FSBP: variants seen among roughly 807,000 people sequenced by gnomAD.
FSBP encodes the protein fibrinogen silencer binding protein.
A neutral mutation model predicts 24.6 loss-of-function variants in FSBP; 18 were observed. The ratio of observed to expected loss-of-function variants is 0.73; its 90% CI spans 0.51 to 1.08. FSBP has a LOEUF of 1.08. FSBP is among the 50% of genes least tolerant of loss of function. FSBP has a pLI of 0.00. For missense variants in FSBP, 305 were observed against 347.6 expected, an observed-to-expected ratio of 0.88 and a Z score of 0.98; for synonymous variants, 110 against 125.8, an observed-to-expected ratio of 0.87 and a Z score of 0.84.
chr8:94,430,809 G>C lies in FSBP; in HGVS notation c.*1322C>G, dbSNP rs1258085451. The C allele has an allele frequency of 1.0e-6, 1 of 985,260 alleles. No individual in the cohort carries two copies. The highest frequency in any genetic ancestry group is 1.2e-6 in the Non-Finnish European group (1 of 829,922). 61.0% of individuals were successfully genotyped at this position (985,260 alleles called of 1,614,324 possible). A position where few individuals can be genotyped will look rare whatever the true frequency, so the allele number is the denominator to read the frequency against. On this transcript the variant is annotated 3_prime_UTR_variant, in exon 2 of 2. Transcript: ENST00000481490. The stretch of plus-strand genomic sequence containing the variant: ...ATCCCCGCATGTGAAAATTCTGCTG[G>C]AGCTAAACAGCAGCTACCCTACCTA...
In FSBP at chr8:94,436,602, G is replaced by A; in HGVS notation, c.267C>T (p.Thr89=). The A allele has an allele frequency of 6.5e-7, 1 of 1,550,338 alleles. No homozygotes were observed. The change falls in exon 1 of 2, where the codon ACC becomes ACT. Residue 89 remains threonine, a synonymous_variant. Transcript: ENST00000481490. The stretch of plus-strand genomic sequence containing the variant: ...AAATATTGCTTTTAAAATCTGATTG[G>A]GTCTCTTTTTGCTGCAATAGCTCCT... The part of the protein sequence containing the change: ...AKQELLQQKE[T]QSDFKSNISE...
intron 1 of FSBP, 79 bp downstream of exon 1, chr8:94,436,416 T>C (rs910979958): frequency 2.1e-6 from 3 of 1,433,232 alleles, no homozygotes; most frequent in African/African-American, 1.4e-5. Context: ...TTACTATGCA[T>C]ATCTCTATCA....
At position 94,431,262 on chromosome 8, in the gene FSBP, G is replaced by C. The variant is rs2450248; in HGVS notation, c.*869C>G. The C allele has an allele frequency of 0.054, 51,983 of 966,368 alleles. 2,516 individuals carry two copies. Among genetic ancestry groups the C allele is most frequent in the East Asian group, 0.32 (2,760 of 8,668 alleles). The allele number at this position is 966,368 out of a possible 1,614,324, so 59.9% of individuals were successfully genotyped here. On this transcript the variant is annotated 3_prime_UTR_variant, in exon 2 of 2. Coordinates refer to ENST00000481490, the MANE Select transcript of FSBP (RefSeq NM_001256141.2). ...GTGAAAGAAATTTTTTCCAGAACAG[G>C]ACATTCAAAATGAATTAAGACATGT...
chr8:94,433,101 G>T (rs3136421), intron 1 of FSBP, among the ~76,000 whole-genome samples: 5,037 of 152,108 alleles, frequency 0.033, 105 homozygotes, highest in Non-Finnish European at 0.049. Context: ...TTAAAACCAT[G>T]AAGGCCCATA....
Position 94,429,535 on chromosome 8 carries a change from C to G in FSBP, c.*2596G>C, listed in dbSNP as rs1812032935. The G allele has an allele frequency of 4.1e-6, 4 of 984,368 alleles. No homozygotes were observed. The highest frequency in any genetic ancestry group is 6.2e-5 in the Admixed American group (1 of 16,256). 61.0% of individuals were successfully genotyped at this position (984,368 alleles called of 1,614,324 possible). A position where few individuals can be genotyped will look rare whatever the true frequency, so the allele number is the denominator to read the frequency against. On this transcript the variant is annotated 3_prime_UTR_variant, in exon 2 of 2. Transcript: ENST00000481490. ...ATCAATTCTTAGTAGCATGCTGAAA[C>G]TGTAAAGTGAATTACATCTCATATA...
intron 1 of FSBP, among the ~76,000 whole-genome samples, chr8:94,434,730 G>C (rs894132016): frequency 6.6e-6 from 1 of 151,320 alleles, no homozygotes; most frequent in Non-Finnish European, 1.5e-5. Context: ...CTAATACAGA[G>C]AAAATGTCAA....
chr8:94,431,499 G>A lies in FSBP; in HGVS notation c.*632C>T, dbSNP rs769760444. ...TGGATATTTACTTCTATCGAATAGC[G>A]GGATGGAAATTACACAAAGAAAAAC... On this transcript the variant is annotated 3_prime_UTR_variant, in exon 2 of 2. Coordinates refer to ENST00000481490, the MANE Select transcript of FSBP (RefSeq NM_001256141.2). 18 of 981,202 alleles carry A rather than the reference G, an allele frequency of 1.8e-5. No homozygotes were observed. Among genetic ancestry groups the A allele is most frequent in the Non-Finnish European group, 1.9e-5 (16 of 826,362 alleles). 60.8% of individuals were successfully genotyped at this position (981,202 alleles called of 1,614,324 possible).
chr8:94,429,153 A>G lies in FSBP; in HGVS notation c.*2978T>C. 1 of 970,130 alleles carries G rather than the reference A, an allele frequency of 1.0e-6. No individual in the cohort carries two copies. The highest frequency in any genetic ancestry group is 1.2e-6 in the Non-Finnish European group (1 of 816,098). 60.1% of individuals were successfully genotyped at this position (970,130 alleles called of 1,614,324 possible). ...GTGATTCTGGTGTTTAAAAATATGT[A>G]AAAATAGGTTTCTTATTGTATACAG... On this transcript the variant is annotated 3_prime_UTR_variant, in exon 2 of 2. Transcript: ENST00000481490.
At chr8:94,435,612 G>T (rs972595797) in intron 1 of FSBP, among the ~76,000 whole-genome samples, 1 of 151,986 alleles carries the variant, frequency 6.6e-6, no homozygotes. Context: ...TTTGCCAGAG[G>T]TTACAATCTG....
rs895345961 is a variant in FSBP, at chr8:94,436,829, C to T, written c.40G>A (p.Glu14Lys). Residue 14 changes from glutamate (E) to lysine (K), a missense_variant, in exon 1 of 2, where the codon GAA becomes AAA. Transcript: ENST00000481490. ...ACAAGCTTTAGCAAATCAAGCTTTT[C>T]GGATAAGGTAAAATTGGAAGATCTA... The part of the protein sequence containing the change: ...KARSSNFTLS[E>K]KLDLLKLVKP... The T allele has an allele frequency of 1.3e-6, 2 of 1,544,462 alleles. No homozygotes were observed. The highest frequency in any genetic ancestry group is 2.4e-5 in the East Asian group (1 of 40,902).
rs1219069271 is a variant in FSBP at position 94,429,868 on chromosome 8, T to A, written c.*2263A>T. ...CCTTGAGTTCATTTTTTTCTATTTC[T>A]ATAGCCATAACTTAAATTTCTGATT... On this transcript the variant is annotated 3_prime_UTR_variant, in exon 2 of 2. Transcript: ENST00000481490. The A allele has an allele frequency of 3.0e-6, 3 of 985,308 alleles. No individual in the cohort carries two copies. Among genetic ancestry groups the A allele is most frequent in the Non-Finnish European group, 3.6e-6 (3 of 829,924 alleles). 61.0% of individuals were successfully genotyped at this position (985,308 alleles called of 1,614,324 possible). A position where few individuals can be genotyped will look rare whatever the true frequency, so the allele number is the denominator to read the frequency against.
At position 94,431,600 on chromosome 8, in the gene FSBP, T is replaced by C. The variant is rs1442142122; in HGVS notation, c.*531A>G. 1.4e-5 allele frequency: 13 copies of C among 920,194 alleles called. No homozygotes were observed. The highest frequency in any genetic ancestry group is 1.7e-5 in the Non-Finnish European group (13 of 770,834). The allele number at this position is 920,194 out of a possible 1,614,324, so 57.0% of individuals were successfully genotyped here. A position where few individuals can be genotyped will look rare whatever the true frequency, so the allele number is the denominator to read the frequency against. ...TCATTGAGTTCTCCCTGGACCTGTT[T>C]CATTACCCCTAAACTGCAGAGATGG... is the stretch of plus-strand genomic sequence containing the variant. On this transcript the variant is annotated 3_prime_UTR_variant, in exon 2 of 2. Transcript: ENST00000481490.
At position 94,432,500 on chromosome 8, in the gene FSBP, C is replaced by T; in HGVS notation, c.531G>A (p.Glu177=). 2 of 1,550,604 alleles carry T rather than the reference C, an allele frequency of 1.3e-6. No homozygotes were observed. The highest frequency in any genetic ancestry group is 1.2e-5 in the South Asian group (1 of 84,042). Residue 177 remains glutamate, a synonymous_variant, in exon 2 of 2, where the codon GAG becomes GAA. Transcript: ENST00000481490. ...GTACTAATTCATGTTCTTCTCTTTG[C>T]TCTAAAGTATCACTCTGTTGAGAAT... ...VLNSQQSDTL[E]QREEHELVHV...
chr8:94,435,277 TC>T (rs1812224715), intron 1 of FSBP, among the ~76,000 whole-genome samples: 1 of 152,062 alleles, frequency 6.6e-6, no homozygotes, highest in Admixed American at 6.6e-5. Flanking sequence ...TGTCCTGGAT[TC>T]CCACTGGTGA....
In FSBP at chr8:94,429,565, C is replaced by T. The variant is rs770513958; in HGVS notation, c.*2566G>A. On this transcript the variant is annotated 3_prime_UTR_variant, in exon 2 of 2. Transcript: ENST00000481490. ...AAGTGAATTACATCTCATATATGTG[C>T]TTTCAATAATTTCAAAAAATAAAGC... is the stretch of plus-strand genomic sequence containing the variant. The T allele has an allele frequency of 2.1e-5, 21 of 982,672 alleles. No homozygotes were observed. The highest frequency in any genetic ancestry group is 6.1e-5 in the Admixed American group (1 of 16,262). The allele number at this position is 982,672 out of a possible 1,614,324, so 60.9% of individuals were successfully genotyped here.
Position 94,430,501 on chromosome 8 carries a change from C to T in FSBP, c.*1630G>A. 1 of 937,412 alleles carries T rather than the reference C, an allele frequency of 1.1e-6. No homozygotes were observed. The highest frequency in any genetic ancestry group is 1.8e-5 in the African/African-American group (1 of 56,142). The allele number at this position is 937,412 out of a possible 1,614,324, so 58.1% of individuals were successfully genotyped here. A position where few individuals can be genotyped will look rare whatever the true frequency, so the allele number is the denominator to read the frequency against. On this transcript the variant is annotated 3_prime_UTR_variant, in exon 2 of 2. Transcript: ENST00000481490. Reference sequence around the variant, plus strand: ...CAAACTTTAGCATGCATCAGAATCGCTAAAGGGTTTATTAAAAGAGATTGC... The same window carrying T: ...CAAACTTTAGCATGCATCAGAATCGTTAAAGGGTTTATTAAAAGAGATTGC...
chr8:94,436,377 A>T (rs1812260851), intron 1 of FSBP, 118 bp downstream of exon 1: 1 of 1,275,718 alleles, frequency 7.8e-7, no homozygotes, highest in East Asian at 2.6e-5. Flanking sequence ...AAACAAAGAC[A>T]CTATTCATTG....
chr8:94,428,163 A>C lies in FSBP; in HGVS notation c.*3968T>G. ...GTGGCTATCCACTATCTAAATTACTAATATATTGGATGAAATAATCTATAT... is the reference window on the plus strand; with the variant it reads ...GTGGCTATCCACTATCTAAATTACTCATATATTGGATGAAATAATCTATAT... On this transcript the variant is annotated 3_prime_UTR_variant, in exon 2 of 2. Coordinates refer to ENST00000481490, the MANE Select transcript of FSBP (RefSeq NM_001256141.2). The C allele has an allele frequency of 7.2e-6, 6 of 828,614 alleles. No homozygotes were observed. Among genetic ancestry groups the C allele is most frequent in the Non-Finnish European group, 8.7e-6 (6 of 687,108 alleles). The allele number at this position is 828,614 out of a possible 1,614,324, so 51.3% of individuals were successfully genotyped here. A position where few individuals can be genotyped will look rare whatever the true frequency, so the allele number is the denominator to read the frequency against.
At position 94,432,556 on chromosome 8, in the gene FSBP, C is replaced by T; in HGVS notation, c.475G>A (p.Asp159Asn). The change falls in exon 2 of 2, where the codon GAC becomes AAC. Residue 159 changes from aspartate (D) to asparagine (N), a missense_variant. Coordinates refer to ENST00000481490, the MANE Select transcript of FSBP (RefSeq NM_001256141.2). ...AITVEVKQEE[D>N]IKPPPPLVLN... ...ACCAGTGGAGGAGGTGGTTTAATGT[C>T]TTCTTCTTGCTTCACCTCCACTGTA... is the stretch of plus-strand genomic sequence containing the variant. 6.5e-7 allele frequency: 1 copy of T among 1,550,270 alleles called. No individual in the cohort carries two copies. Among genetic ancestry groups the T allele is most frequent in the Non-Finnish European group, 8.7e-7 (1 of 1,146,738 alleles).
Sources: gnomAD v4.1 joint callset for allele counts (sites outside exome capture counted in the v4.1 genomes callset) on GRCh38, gnomAD v4.1.1 for gene constraint, MANE v1.5 for transcripts, NCBI Gene and HGNC (gene_info 2026-07-23, HGNC 2026-07-21) for gene names.